The following ZNF846 variants were observed in gnomAD, a reference collection of about 807,000 sequenced individuals.
The protein encoded by ZNF846 is zinc finger protein 846.
Under a neutral mutation model 16.0 loss-of-function variants are expected in ZNF846, and 15 were observed. The observed-to-expected ratio is 0.94, with a 90% CI of 0.63 to 1.45. The LOEUF is 1.45. Among genes scored for constraint, ZNF846 ranks in the 40% most tolerant of loss-of-function variants. The pLI, the probability that ZNF846 is intolerant of heterozygous loss-of-function variation, is 0.00. For missense variants in ZNF846, 714 were observed against 622.3 expected, an observed-to-expected ratio of 1.15 and a Z score of -1.57; for synonymous variants, 229 against 212.0, an observed-to-expected ratio of 1.08 and a Z score of -0.70.
chr19:9,754,516 G>C (rs139997213), downstream of ZNF846, among the ~76,000 whole-genome samples: 4,775 of 139,260 alleles, frequency 0.034, 362 homozygotes, highest in African/African-American at 0.13. Flanking sequence ...AGTGAGCCGG[G>C]ATCTTGCCAT....
rs529438929 is a variant in ZNF846, at chr19:9,757,974, C to A, written c.1103G>T (p.Cys368Phe). The change falls in exon 6 of 6, where the codon TGT (cysteine) becomes TTT (phenylalanine). Residue 368 changes from cysteine (C) to phenylalanine (F), a missense_variant. Physicochemically the swap from Cys to Phe is radical, Grantham distance 205 (BLOSUM62 -2). Transcript: ENST00000397902. ...AGTAAAAGCTTTCCCACATGCCTTACATAAATACAGCTTCTCTCCACTGTG... is the reference window on the plus strand; with the variant it reads ...AGTAAAAGCTTTCCCACATGCCTTAAATAAATACAGCTTCTCTCCACTGTG... 46 of 1,613,636 alleles carry A rather than the reference C, an allele frequency of 2.9e-5. No individual in the cohort carries two copies. The highest frequency in any genetic ancestry group is 3.6e-5 in the Non-Finnish European group (42 of 1,180,022).
At chr19:9,781,777 ATTTT>A (rs112251619) in intron 1 of ZNF846, among the ~76,000 whole-genome samples, 1 of 139,988 alleles carries the variant, frequency 7.1e-6, no homozygotes, top group African/African-American at 2.6e-5. Flanking sequence ...AGGGCAAACA[ATTTT>A]TTTTTTTTTT....
rs755603379 is a variant in ZNF846 at position 9,759,842 on chromosome 19, A to C, written c.312+18T>G. ...TTCTTGTCCTAGTGTGGAAGATTTC[A>C]TCCCTTGGAAATCTTACCAATTGTA... On this transcript the variant is annotated intron_variant, in intron 5 of 5. Transcript: ENST00000397902. 6.3e-7 allele frequency: 1 copy of C among 1,581,244 alleles called. No individual in the cohort carries two copies. Among genetic ancestry groups the C allele is most frequent in the South Asian group, 1.1e-5 (1 of 89,908 alleles).
downstream of ZNF846, among the ~76,000 whole-genome samples, chr19:9,751,472 C>T (rs559357074): frequency 7.2e-5 from 11 of 152,224 alleles, no homozygotes; most frequent in South Asian, 1.5e-3. Context: ...GTGACATCCC[C>T]GGCCCTTGTG....
At chr19:9,759,736 T>C (rs1007012562) in intron 5 of ZNF846, 124 bp downstream of exon 5, 2 of 647,130 alleles carry the variant, frequency 3.1e-6, no homozygotes, top group Admixed American at 3.2e-5. Flanking sequence ...CCCATATTCA[T>C]GATATTCAGA....
intron 1 of ZNF846, chr19:9,774,352 C>T: frequency 2.1e-6 from 1 of 475,174 alleles, no homozygotes; most frequent in Non-Finnish European, 3.8e-6. Flanking sequence ...CCTGTAGTCC[C>T]AGCTACTCGG....
At chr19:9,759,641 A>T (rs1041630244) in intron 5 of ZNF846, among the ~76,000 whole-genome samples, 3 of 151,574 alleles carry the variant, frequency 2.0e-5, no homozygotes, top group Non-Finnish European at 4.4e-5. Flanking sequence ...TGCACAAAAA[A>T]CTGAATAGCT....
chr19:9,763,759 T>G (rs191727298), intron 2 of ZNF846, among the ~76,000 whole-genome samples: 3 of 152,148 alleles, frequency 2.0e-5, no homozygotes, highest in Non-Finnish European at 4.4e-5. Flanking sequence ...AGATTAGACA[T>G]CTCCATCCCT....
At chr19:9,781,044 T>A (rs755012985) in intron 1 of ZNF846, among the ~76,000 whole-genome samples, 4 of 152,220 alleles carry the variant, frequency 2.6e-5, no homozygotes, top group Non-Finnish European at 4.4e-5. Context: ...TGCATTCATA[T>A]GCTCTTCTTG....
Position 9,765,757 on chromosome 19 carries a change from G to T in ZNF846, c.-85-722C>A, listed in dbSNP as rs146662367. Among the ~76,000 whole-genome samples the T allele has an allele frequency of 6.2e-4, 95 of 152,086 alleles. 1 individual carries two copies. Among genetic ancestry groups the T allele is most frequent in the Middle Eastern group, 3.4e-3 (1 of 294 alleles). ...CTTTTCCATGGCATGCCTCCCAATT[G>T]TAATACTATTCTGACACTTAATACT... On this transcript the variant is annotated intron_variant, in intron 1 of 5. Transcript: ENST00000397902.
chr19:9,762,152 G>C (rs1326059421), exon 4 of ZNF846: 2 of 1,613,848 alleles, frequency 1.2e-6, no homozygotes, highest in Non-Finnish European at 1.7e-6. Context: ...GACTACGTTT[G>C]AATAATTCAG....
At chr19:9,764,645 C>T (rs1202320951) in intron 2 of ZNF846, among the ~76,000 whole-genome samples, 1 of 152,196 alleles carries the variant, frequency 6.6e-6, no homozygotes, top group Non-Finnish European at 1.5e-5. Flanking sequence ...CCCCTGGACC[C>T]AGCCTTCACT....
chr19:9,782,291 G>A (rs941965157), intron 1 of ZNF846, among the ~76,000 whole-genome samples: 2 of 151,962 alleles, frequency 1.3e-5, no homozygotes, highest in Non-Finnish European at 2.9e-5. Context: ...TATTAGACAG[G>A]GTCTCAATCT....
At chr19:9,762,875 T>G (rs2045251785) in intron 3 of ZNF846, among the ~76,000 whole-genome samples, 1 of 152,182 alleles carries the variant, frequency 6.6e-6, no homozygotes, top group African/African-American at 2.4e-5. Flanking sequence ...CCATGCATGG[T>G]GGCTCACGCC....
At chr19:9,762,094 C>G in exon 4 of ZNF846, 6 of 1,613,870 alleles carry the variant, frequency 3.7e-6, no homozygotes, top group Non-Finnish European at 5.1e-6. Context: ...TGCAGAACTC[C>G]TGTCACTCCT....
exon 6 of ZNF846, chr19:9,758,024 T>C (rs150613849): frequency 1.9e-6 from 3 of 1,613,562 alleles, no homozygotes; most frequent in East Asian, 2.2e-5. Context: ...TTGTAAGGTA[T>C]GAGGAATGAA....
At chr19:9,776,040 T>C (rs145096306) in intron 1 of ZNF846, among the ~76,000 whole-genome samples, 1,976 of 152,278 alleles carry the variant, frequency 0.013, 45 homozygotes, top group African/African-American at 0.045. Context: ...GTGCAAGCCT[T>C]CTGTTATGCC....
chr19:9,757,009 C>G (rs753273084), downstream of ZNF846: 9 of 151,640 alleles, frequency 5.9e-5, no homozygotes, highest in African/African-American at 2.2e-4. Flanking sequence ...TCCTGGCTAA[C>G]ATGGTGAAAC....
chr19:9,786,133 C>A (rs2045557893), upstream of ZNF846: 3 of 151,922 alleles, frequency 2.0e-5, no homozygotes, highest in South Asian at 6.2e-4. Context: ...GGGGAGAAGT[C>A]TTAGTTTCCG....
Sources: gnomAD v4.1 joint callset for allele counts (sites outside exome capture counted in the v4.1 genomes callset) on GRCh38, gnomAD v4.1.1 for gene constraint, MANE v1.5 for transcripts, NCBI Gene and HGNC (gene_info 2026-07-23, HGNC 2026-07-21) for gene names.